HSPA12A: variants seen among roughly 807,000 people sequenced by gnomAD.
HSPA12A encodes the protein heat shock protein family A (Hsp70) member 12A, also known as heat shock 70 kDa protein 12A.
Under a neutral mutation model 69.2 loss-of-function variants are expected in HSPA12A, and 28 were observed. The observed-to-expected ratio is 0.40, with a 90% CI of 0.30 to 0.55. The LOEUF (loss-of-function observed/expected upper bound fraction) is 0.55. Among genes scored for constraint, HSPA12A ranks in the 20% least tolerant of loss-of-function variants. The pLI is 0.38. For synonymous variants in HSPA12A, 345 were observed against 370.5 expected, an observed-to-expected ratio of 0.93 and a Z score of 0.79; for missense variants, 686 against 900.7, an observed-to-expected ratio of 0.76 and a Z score of 3.05.
chr10:116,737,641 C>T (rs536935779), intron 1 of HSPA12A, among the ~76,000 whole-genome samples: 69 of 152,258 alleles, frequency 4.5e-4, no homozygotes, highest in African/African-American at 1.6e-3. Flanking sequence ...GGACATATGG[C>T]CACCCTAAAA....
At chr10:116,682,867 ATTTTTTTT>A (rs60393392) in intron 7 of HSPA12A, among the ~76,000 whole-genome samples, 1 of 117,728 alleles carries the variant, frequency 8.5e-6, no homozygotes, top group Admixed American at 8.6e-5. Flanking sequence ...CGCCCGGCTA[ATTTTTTTT>A]TTTTTTTTTT....
intron 2 of HSPA12A, chr10:116,829,970 T>C (rs1466538125): frequency 6.6e-6 from 1 of 152,162 alleles, no homozygotes; most frequent in African/African-American, 2.4e-5. Flanking sequence ...GGGAGGGCGT[T>C]ATGGGCACTG....
At chr10:116,745,137 A>T (rs2133077082), upstream of HSPA12A, among the ~76,000 whole-genome samples, 1 of 152,206 alleles carries the variant, frequency 6.6e-6, no homozygotes, top group African/African-American at 2.4e-5. Flanking sequence ...CCTCGCCCCC[A>T]CTGGGAAGTA....
chr10:116,846,474 C>G (rs193150343), intron 1 of HSPA12A, among the ~76,000 whole-genome samples: 2 of 151,912 alleles, frequency 1.3e-5, no homozygotes, highest in South Asian at 2.1e-4. Context: ...CTCAGCCTCC[C>G]GAGTAGCTGG....
chr10:116,699,497 A>G (rs1850018248), intron 4 of HSPA12A, among the ~76,000 whole-genome samples: 1 of 35,362 alleles, frequency 2.8e-5, no homozygotes, highest in Non-Finnish European at 5.8e-5. Context: ...TGCCAGGGGG[A>G]AAAAAATCAC....
chr10:116,776,223 G>A (rs1456350181), intron 2 of HSPA12A, among the ~76,000 whole-genome samples: 1 of 152,212 alleles, frequency 6.6e-6, no homozygotes, highest in African/African-American at 2.4e-5. Flanking sequence ...TGTCATGGGT[G>A]GACAACAAGG....
At chr10:116,728,316 C>T (rs1851041136) in intron 1 of HSPA12A, among the ~76,000 whole-genome samples, 1 of 76,886 alleles carries the variant, frequency 1.3e-5, no homozygotes, top group South Asian at 5.5e-4. Context: ...AATGCATTTT[C>T]TACTAATGAT....
Position 116,742,342 on chromosome 10 carries a change from G to C in HSPA12A, c.40+88C>G, listed in dbSNP as rs1851539600. 14 of 1,297,774 alleles carry C rather than the reference G, an allele frequency of 1.1e-5. No homozygotes were observed. In the South Asian group the frequency reaches 2.4e-4, roughly 22 times the overall value. The allele number at this position is 1,297,774 out of a possible 1,614,324, so 80.4% of individuals were successfully genotyped here. On this transcript the variant is annotated intron_variant, in intron 1 of 11. Coordinates refer to ENST00000369209, the MANE Select transcript of HSPA12A (RefSeq NM_025015.3). ...GGGCGTCCCCACTTTTCCACGGCGC[G>C]CGAGGGGGTGCGGAGCGTTGGGCCA...
rs1554881551 is a variant in HSPA12A, at chr10:116,700,958, C to T, written c.426G>A (p.Lys142=). ...GCTTGCTCACCCCAGTGGTGTGCAG[C>T]TTCATCTTGAACTTCTCCAGGTACA... The part of the protein sequence containing the change: ...QWLYLEKFKM[K]LHTTGDLTMD... The change falls in exon 4 of 12, where the codon AAG becomes AAA. Residue 142 remains lysine (K), a synonymous_variant. Coordinates refer to ENST00000369209, the MANE Select transcript of HSPA12A (RefSeq NM_025015.3). 6.2e-7 allele frequency: 1 copy of T among 1,613,814 alleles called. No individual in the cohort carries two copies. Among genetic ancestry groups the T allele is most frequent in the East Asian group, 2.2e-5 (1 of 44,832 alleles).
rs1445801854 is a variant in HSPA12A, at chr10:116,742,555, C to G, written c.-86G>C. 8.6e-7 allele frequency: 1 copy of G among 1,166,222 alleles called. No homozygotes were observed. The allele number at this position is 1,166,222 out of a possible 1,614,324, so 72.2% of individuals were successfully genotyped here. On this transcript the variant is annotated 5_prime_UTR_variant, in exon 1 of 12. Transcript: ENST00000369209. Reference sequence around the variant, plus strand: ...CTCTGTCCGCGTCCGCGGCGGCGCTCGGGCCGTGTCTGAGCCGCCGGGCAG... The same window carrying G: ...CTCTGTCCGCGTCCGCGGCGGCGCTGGGGCCGTGTCTGAGCCGCCGGGCAG...
intron 7 of HSPA12A, among the ~76,000 whole-genome samples, chr10:116,683,295 G>A (rs1295781256): frequency 6.6e-6 from 1 of 152,092 alleles, no homozygotes; most frequent in Admixed American, 6.5e-5. Flanking sequence ...TCCCTAAGGC[G>A]GTGCTCCTTC....
At chr10:116,676,012 A>T (rs1483604495) in intron 11 of HSPA12A, among the ~76,000 whole-genome samples, 3 of 152,222 alleles carry the variant, frequency 2.0e-5, no homozygotes, top group African/African-American at 7.2e-5. Context: ...AAAGCAAAGA[A>T]TATGCATTTC....
At chr10:116,726,027 G>GCGCACACACACA (rs140160132) in intron 1 of HSPA12A, among the ~76,000 whole-genome samples, 16 of 146,222 alleles carry the variant, frequency 1.1e-4, no homozygotes, top group South Asian at 2.2e-4. Context: ...ACACACACAC[G>GCGCACACACACA]CACACACACA....
chr10:116,744,143 C>G (rs1236558675), upstream of HSPA12A, among the ~76,000 whole-genome samples: 1 of 152,238 alleles, frequency 6.6e-6, no homozygotes, highest in Non-Finnish European at 1.5e-5. Context: ...ACTCCAGCTC[C>G]AGCTACAGCC....
chr10:116,849,874 C>T (rs1410465777), upstream of HSPA12A: 19 of 977,278 alleles, frequency 1.9e-5, no homozygotes, highest in East Asian at 2.6e-4. Context: ...GCGGAGGAGA[C>T]TTCTGGAGGG....
intron 1 of HSPA12A, chr10:116,835,120 G>A: frequency 1.6e-6 from 1 of 626,130 alleles, no homozygotes; most frequent in Non-Finnish European, 2.2e-6. Flanking sequence ...GTTTGTAAGA[G>A]GCAGCACCCG....
intron 2 of HSPA12A, among the ~76,000 whole-genome samples, chr10:116,788,171 A>T (rs1844619640): frequency 1.3e-5 from 2 of 152,176 alleles, no homozygotes; most frequent in African/African-American, 2.4e-5. Context: ...ACCAAAGCAC[A>T]TCCTGCAAAA....
chr10:116,689,875 A>G (rs1406107945), intron 6 of HSPA12A, among the ~76,000 whole-genome samples: 3 of 151,834 alleles, frequency 2.0e-5, no homozygotes, highest in Non-Finnish European at 4.4e-5. Context: ...CGGGAGGGTC[A>G]GCGTTTTGCT....
chr10:116,710,357 T>A lies in HSPA12A; in HGVS notation c.41-3072A>T, dbSNP rs1554882932. 6.6e-6 allele frequency among the ~76,000 whole-genome samples: 1 copy of A among 152,138 alleles called. No individual in the cohort carries two copies. Among genetic ancestry groups the A allele is most frequent in the African/African-American group, 2.4e-5 (1 of 41,426 alleles). On this transcript the variant is annotated intron_variant, in intron 1 of 11. Transcript: ENST00000369209. This position sits in a 1 kb window ranked among gnomAD's most constrained non-coding sequence, Gnocchi z 4.1. ...CAAGCTATTATCTGCAGACAAACTA[T>A]CCACCCCGCTGCTGCTTGGTCCTAA...
Sources: gnomAD v4.1 joint callset for allele counts (sites outside exome capture counted in the v4.1 genomes callset) on GRCh38, gnomAD v4.1.1 for gene constraint, Gnocchi (gnomAD v3.1) non-coding constraint, MANE v1.5 for transcripts, NCBI Gene and HGNC (gene_info 2026-07-23, HGNC 2026-07-21) for gene names.